NCAM2: variants seen among roughly 807,000 people sequenced by gnomAD.
NCAM2 encodes neural cell adhesion molecule 2, also known as N-CAM-2.
A neutral mutation model predicts 98.1 loss-of-function variants in NCAM2; 30 were observed. That is an observed-to-expected ratio of 0.31 (90% confidence interval 0.23 to 0.41). NCAM2 has a LOEUF of 0.41. NCAM2 is among the 10% of genes least tolerant of loss of function. The pLI is 1.00. For missense variants in NCAM2, 867 were observed against 1,005.8 expected (o/e 0.86, Z 1.87); for synonymous variants, 368 against 342.4 (o/e 1.07, Z -0.83).
At chr21:21,341,717 T>TC (rs2075043071) in intron 8 of NCAM2, among the ~76,000 whole-genome samples, 1 of 151,716 alleles carries the variant, frequency 6.6e-6, no homozygotes, top group Non-Finnish European at 1.5e-5. Context: ...TCTTTTTTTT[T>TC]TTTTTGTCTA....
In NCAM2 at chr21:21,036,545, G is replaced by T. The variant is rs150936219; in HGVS notation, c.55+37927G>T. ...ATTTATTAATATGCTTATGGGCACA[G>T]AAGTCATATGAAATATGAAAACTCA... On this transcript the variant is annotated intron_variant, in intron 1 of 17. Coordinates refer to ENST00000400546, the MANE Select transcript of NCAM2 (RefSeq NM_004540.5). Among the ~76,000 whole-genome samples the T allele has an allele frequency of 4.7e-4, 72 of 152,270 alleles. 1 individual carries two copies. In the East Asian group the frequency reaches 0.014, roughly 29 times the overall value.
At chr21:21,028,473 A>G (rs1458684828) in intron 1 of NCAM2, among the ~76,000 whole-genome samples, 1 of 152,194 alleles carries the variant, frequency 6.6e-6, no homozygotes, top group Non-Finnish European at 1.5e-5. Context: ...CAGACCTTCA[A>G]TCTAAATGAA....
At chr21:21,404,594 GA>G (rs2076698868) in intron 9 of NCAM2, among the ~76,000 whole-genome samples, 1 of 151,872 alleles carries the variant, frequency 6.6e-6, no homozygotes, top group African/African-American at 2.4e-5. Context: ...TCAGCAACAT[GA>G]AAACGAACTA....
chr21:21,445,849 G>T (rs549230780), intron 12 of NCAM2, among the ~76,000 whole-genome samples: 45 of 152,204 alleles, frequency 3.0e-4, no homozygotes, highest in African/African-American at 1.1e-3. Flanking sequence ...TGTTATGTGT[G>T]AGTTTGATCC....
intron 1 of NCAM2, among the ~76,000 whole-genome samples, chr21:21,211,711 G>C (rs1243982209): frequency 6.6e-6 from 1 of 152,162 alleles, no homozygotes; most frequent in African/African-American, 2.4e-5. Context: ...GCTCTATGCT[G>C]TGGTCACTGC....
chr21:21,073,515 A>G (rs886848799), intron 1 of NCAM2, among the ~76,000 whole-genome samples: 4 of 152,220 alleles, frequency 2.6e-5, no homozygotes, highest in African/African-American at 9.6e-5. Context: ...CCTGTGTTAT[A>G]TCTAATGTAT....
chr21:21,359,874 GT>G (rs2075599077), intron 8 of NCAM2, among the ~76,000 whole-genome samples: 1 of 151,806 alleles, frequency 6.6e-6, no homozygotes, highest in Non-Finnish European at 1.5e-5. Flanking sequence ...TGTAATTTGA[GT>G]TAGGTATGTG....
At chr21:21,159,834 A>AT (rs2067727974) in intron 1 of NCAM2, among the ~76,000 whole-genome samples, 1 of 151,644 alleles carries the variant, frequency 6.6e-6, no homozygotes, top group Non-Finnish European at 1.5e-5. Flanking sequence ...GTATTGTTTG[A>AT]TTTTTGTGGT....
At chr21:21,098,738 T>C (rs563161634) in intron 1 of NCAM2, among the ~76,000 whole-genome samples, 1 of 152,010 alleles carries the variant, frequency 6.6e-6, no homozygotes, top group Admixed American at 6.6e-5. Flanking sequence ...TGAATGTTTA[T>C]TAACTGTACT....
chr21:21,494,540 C>A (rs1461192531), intron 15 of NCAM2, among the ~76,000 whole-genome samples: 1 of 151,944 alleles, frequency 6.6e-6, no homozygotes, highest in African/African-American at 2.4e-5. Flanking sequence ...AGCAAACAAA[C>A]TGCATCCATC....
chr21:21,453,969 T>A (rs1421208779), intron 12 of NCAM2, among the ~76,000 whole-genome samples: 1 of 152,094 alleles, frequency 6.6e-6, no homozygotes, highest in Admixed American at 6.6e-5. Context: ...GTCCTATGAA[T>A]GTTCTTTTTG....
intron 15 of NCAM2, among the ~76,000 whole-genome samples, chr21:21,489,630 G>T (rs1986682943): frequency 6.6e-6 from 1 of 152,058 alleles, no homozygotes; most frequent in Non-Finnish European, 1.5e-5. Flanking sequence ...GCTGAAATCT[G>T]CATATTTCAA....
At chr21:21,480,886 C>A (rs1985818547) in intron 15 of NCAM2, among the ~76,000 whole-genome samples, 1 of 152,174 alleles carries the variant, frequency 6.6e-6, no homozygotes, top group African/African-American at 2.4e-5. Flanking sequence ...GATGTCATTT[C>A]TCAAGGTGAA....
At chr21:21,338,164 A>G (rs1328452238) in intron 7 of NCAM2, among the ~76,000 whole-genome samples, 1 of 152,084 alleles carries the variant, frequency 6.6e-6, no homozygotes, top group African/African-American at 2.4e-5. Context: ...AGTCACCTCA[A>G]GTTATTTTGT....
At chr21:21,276,378 G>A (rs2072729377) in intron 1 of NCAM2, among the ~76,000 whole-genome samples, 1 of 151,994 alleles carries the variant, frequency 6.6e-6, no homozygotes, top group Non-Finnish European at 1.5e-5. Context: ...TTATAAGATT[G>A]TTATTTCATG....
chr21:21,062,700 A>C (rs763233238), intron 1 of NCAM2, among the ~76,000 whole-genome samples: 2 of 152,208 alleles, frequency 1.3e-5, no homozygotes, highest in Non-Finnish European at 2.9e-5. Flanking sequence ...AGTTTTTTTG[A>C]AAGACAAAAT....
At chr21:21,463,107 G>A (rs762791590) in intron 12 of NCAM2, among the ~76,000 whole-genome samples, 14 of 152,074 alleles carry the variant, frequency 9.2e-5, no homozygotes, top group South Asian at 6.2e-4. Context: ...CTATTATTGA[G>A]TACACAGCCT....
intron 1 of NCAM2, among the ~76,000 whole-genome samples, chr21:21,067,574 C>T (rs1199151048): frequency 2.6e-5 from 4 of 152,150 alleles, no homozygotes; most frequent in Non-Finnish European, 4.4e-5. Flanking sequence ...GCAATACATT[C>T]TATAGTCTTT....
At chr21:21,144,904 G>C (rs947853835) in intron 1 of NCAM2, among the ~76,000 whole-genome samples, 1 of 152,114 alleles carries the variant, frequency 6.6e-6, no homozygotes, top group Non-Finnish European at 1.5e-5. Flanking sequence ...TAGTACAACT[G>C]ATCTTTGAAA....
Sources: gnomAD v4.1 joint callset for allele counts (sites outside exome capture counted in the v4.1 genomes callset) on GRCh38, gnomAD v4.1.1 for gene constraint, MANE v1.5 for transcripts, NCBI Gene and HGNC (gene_info 2026-07-23, HGNC 2026-07-21) for gene names.